The following ASTN2 variants were observed in gnomAD, a reference collection of about 807,000 sequenced individuals.
ASTN2 encodes astrotactin 2, also known as astrotactin-2.
In ASTN2, 54 loss-of-function variants were observed where a neutral mutation model predicts 139.8. The ratio of observed to expected loss-of-function variants is 0.39; its 90% CI spans 0.31 to 0.48. The LOEUF is 0.48. ASTN2 is among the 20% of genes least tolerant of loss of function. ASTN2 has a pLI of 0.95. For missense variants in ASTN2, 1,565 were observed against 1,725.1 expected, an observed-to-expected ratio of 0.91 and a Z score of 1.64; for synonymous variants, 756 against 719.5, an observed-to-expected ratio of 1.05 and a Z score of -0.81.
chr9:117,218,189 C>T lies in ASTN2; in HGVS notation c.631-3447G>A, dbSNP rs76227671. On this transcript the variant is annotated intron_variant, in intron 2 of 22. Coordinates refer to ENST00000313400, the MANE Select transcript of ASTN2 (RefSeq NM_001365068.1). Reference sequence around the variant, plus strand: ...TTCCAGAAGAATGTGGCAGAGGGACCCCCTGGTTTGGGAGGCACTGAGCTT... The same window carrying T: ...TTCCAGAAGAATGTGGCAGAGGGACTCCCTGGTTTGGGAGGCACTGAGCTT... 8.1e-3 allele frequency among the ~76,000 whole-genome samples: 1,234 copies of T among 152,302 alleles called. 45 individuals carry two copies. Among genetic ancestry groups the T allele is most frequent in the East Asian group, 0.073 (377 of 5,168 alleles).
intron 20 of ASTN2, among the ~76,000 whole-genome samples, chr9:116,457,561 AAAG>A (rs1380296365): frequency 6.6e-6 from 1 of 152,192 alleles, no homozygotes; most frequent in African/African-American, 2.4e-5. Context: ...ACATTTCTCA[AAAG>A]AAGACATACA....
intron 4 of ASTN2, among the ~76,000 whole-genome samples, chr9:117,131,726 T>A (rs560700834): frequency 6.6e-6 from 1 of 152,196 alleles, no homozygotes; most frequent in African/African-American, 2.4e-5. Flanking sequence ...ACTCAACCAA[T>A]TGCCAATCAG....
chr9:116,850,259 T>C (rs1043160172), intron 11 of ASTN2, among the ~76,000 whole-genome samples: 7 of 152,208 alleles, frequency 4.6e-5, no homozygotes, highest in Admixed American at 3.9e-4. Context: ...CTACATGCTA[T>C]TTACTGAGTA....
At chr9:117,061,144 T>TG in intron 5 of ASTN2, among the ~76,000 whole-genome samples, 1 of 104,912 alleles carries the variant, frequency 9.5e-6, no homozygotes, top group Non-Finnish European at 1.9e-5. Context: ...CAGTCTTTTA[T>TG]TTATTTATTT....
chr9:117,320,922 C>A (rs1221241236), intron 1 of ASTN2, among the ~76,000 whole-genome samples: 1 of 152,190 alleles, frequency 6.6e-6, no homozygotes, highest in Non-Finnish European at 1.5e-5. Flanking sequence ...AAATGTGAAA[C>A]CTGCAGAGGC....
At chr9:116,435,026 G>GA (rs1393197673) in intron 22 of ASTN2, among the ~76,000 whole-genome samples, 1 of 152,136 alleles carries the variant, frequency 6.6e-6, no homozygotes, top group Admixed American at 6.5e-5. Flanking sequence ...AGTACTCCTG[G>GA]AAAAAACTCT....
intron 14 of ASTN2, among the ~76,000 whole-genome samples, chr9:116,731,284 A>G (rs1277252209): frequency 1.3e-5 from 2 of 151,788 alleles, no homozygotes; most frequent in Non-Finnish European, 2.9e-5. Flanking sequence ...CCTTGAGTCA[A>G]AACAAAGAAT....
At chr9:117,050,027 G>T (rs140985972) in intron 5 of ASTN2, among the ~76,000 whole-genome samples, 1 of 152,066 alleles carries the variant, frequency 6.6e-6, no homozygotes, top group African/African-American at 2.4e-5. Flanking sequence ...ACTATCAATC[G>T]ACTGGTGCTG....
Position 117,135,507 on chromosome 9 carries a change from T to C in ASTN2, c.1168+5819A>G, listed in dbSNP as rs116930470. ...ATCCATTCATTAATTTATTCATATA[T>C]TCTTCCATTAAACCAATTACTATCC... On this transcript the variant is annotated intron_variant, in intron 4 of 22. Coordinates refer to ENST00000313400, the MANE Select transcript of ASTN2 (RefSeq NM_001365068.1). 4.2e-3 allele frequency among the ~76,000 whole-genome samples: 645 copies of C among 152,350 alleles called. 4 individuals are homozygous for C. The highest frequency in any genetic ancestry group is 7.2e-3 in the Non-Finnish European group (488 of 68,034).
chr9:116,652,191 G>A (rs1433393646), intron 16 of ASTN2, among the ~76,000 whole-genome samples: 1 of 151,950 alleles, frequency 6.6e-6, no homozygotes, highest in Non-Finnish European at 1.5e-5. Flanking sequence ...CCAAGCGTGG[G>A]GTTATGTACC....
At chr9:117,157,875 T>C (rs962136296) in intron 3 of ASTN2, among the ~76,000 whole-genome samples, 43 of 151,990 alleles carry the variant, frequency 2.8e-4, no homozygotes, top group African/African-American at 9.9e-4. Flanking sequence ...AGAGTGACAC[T>C]GTCAGAGATA....
intron 12 of ASTN2, among the ~76,000 whole-genome samples, chr9:116,812,435 A>G (rs1227172087): frequency 6.6e-6 from 1 of 152,220 alleles, no homozygotes; most frequent in Non-Finnish European, 1.5e-5. Flanking sequence ...GAGCAGAGTA[A>G]CGGACCATGA....
chr9:116,574,029 G>A (rs924717213), intron 19 of ASTN2, among the ~76,000 whole-genome samples: 3 of 152,130 alleles, frequency 2.0e-5, no homozygotes, highest in African/African-American at 7.2e-5. Context: ...TGGGAGAATC[G>A]GGGAAAACTT....
intron 2 of ASTN2, among the ~76,000 whole-genome samples, chr9:117,280,602 A>C (rs1449754230): frequency 6.6e-6 from 1 of 152,176 alleles, no homozygotes; most frequent in Non-Finnish European, 1.5e-5. Flanking sequence ...GGAAGAGGCA[A>C]GACAGGATTC....
At position 117,218,313 on chromosome 9, in the gene ASTN2, A is replaced by G. The variant is rs77646969; in HGVS notation, c.631-3571T>C. Among the ~76,000 whole-genome samples the G allele has an allele frequency of 1.3e-3, 203 of 152,282 alleles. 4 individuals carry two copies. In the East Asian group the frequency reaches 0.036, roughly 27 times the overall value. On this transcript the variant is annotated intron_variant, in intron 2 of 22. Transcript: ENST00000313400. ...GTGGCTATGGCTATCCCTTTAGGGC[A>G]CAGGTTCATTGTCCTCACTCCCCAG...
chr9:116,993,083 C>T (rs1836904084), intron 7 of ASTN2, among the ~76,000 whole-genome samples: 2 of 152,080 alleles, frequency 1.3e-5, no homozygotes, highest in South Asian at 4.1e-4. Flanking sequence ...ATGACGTCAC[C>T]CCTCTGCTCA....
intron 4 of ASTN2, among the ~76,000 whole-genome samples, chr9:117,126,044 T>C (rs1355967973): frequency 6.6e-6 from 1 of 152,214 alleles, no homozygotes; most frequent in Admixed American, 6.5e-5. Context: ...TTTTTTTCTT[T>C]TAAGTTAAAT....
chr9:116,509,066 A>T (rs866202956), intron 19 of ASTN2, among the ~76,000 whole-genome samples: 1 of 152,238 alleles, frequency 6.6e-6, no homozygotes, highest in African/African-American at 2.4e-5. Context: ...CGTGCAGGTT[A>T]GTTACATATG....
chr9:116,686,987 C>A (rs1165746261), intron 16 of ASTN2: 2 of 1,429,508 alleles, frequency 1.4e-6, no homozygotes, highest in East Asian at 5.2e-5. Flanking sequence ...TGAGGACTAC[C>A]CTGGAGGCTA....
Sources: allele counts gnomAD v4.1 joint callset (sites outside exome capture counted in the v4.1 genomes callset), GRCh38; gene constraint gnomAD v4.1.1; transcripts MANE v1.5; gene names NCBI Gene and HGNC (gene_info 2026-07-23, HGNC 2026-07-21).